The following IFTAP variants were observed in gnomAD, a reference collection of about 807,000 sequenced individuals.
IFTAP encodes the protein intraflagellar transport associated protein, also known as intraflagellar transport-associated protein.
Under a neutral mutation model 19.4 loss-of-function variants are expected in IFTAP, and 19 were observed. The ratio of observed to expected loss-of-function variants is 0.98; its 90% confidence interval spans 0.68 to 1.44. IFTAP has a LOEUF of 1.44. Among genes scored for constraint, IFTAP ranks in the 40% most tolerant of loss-of-function variants. The pLI is 0.00. For synonymous variants in IFTAP, 85 were observed against 83.5 expected, an observed-to-expected ratio of 1.02 and a Z score of -0.10; for missense variants, 240 against 253.6, an observed-to-expected ratio of 0.95 and a Z score of 0.36.
chr11:36,620,444 A>G (rs562032099), intron 2 of IFTAP, among the ~76,000 whole-genome samples: 3 of 152,038 alleles, frequency 2.0e-5, no homozygotes, highest in Non-Finnish European at 2.9e-5. Context: ...TTGACAAATT[A>G]TGAAACACAC....
At chr11:36,613,206 A>G (rs1386561521) in intron 2 of IFTAP, among the ~76,000 whole-genome samples, 2 of 152,018 alleles carry the variant, frequency 1.3e-5, no homozygotes, top group Non-Finnish European at 2.9e-5. Context: ...GACATTGTGG[A>G]CAAAGATAAG....
chr11:36,629,960 G>A (rs1419224392), intron 2 of IFTAP, among the ~76,000 whole-genome samples: 3 of 151,464 alleles, frequency 2.0e-5, no homozygotes, highest in East Asian at 3.9e-4. Flanking sequence ...ATTGCTGTTA[G>A]ATTTCTAAAC....
In IFTAP at chr11:36,610,086, G is replaced by C. The variant is rs753675107; in HGVS notation, c.-18G>C. On this transcript the variant is annotated 5_prime_UTR_variant, in exon 2 of 6. Coordinates refer to ENST00000334307, the MANE Select transcript of IFTAP (RefSeq NM_138787.4). The stretch of plus-strand genomic sequence containing the variant: ...GGTATTTTTCTGTCTTGCAGATACT[G>C]TGGCCTCATGAATAGGAATGTCTGC... 1.4e-5 allele frequency: 22 copies of C among 1,611,712 alleles called. No individual in the cohort carries two copies. The highest frequency in any genetic ancestry group is 1.0e-4 in the Admixed American group (6 of 59,876).
In IFTAP at chr11:36,638,584, G is replaced by A. The variant is rs116721306; in HGVS notation, c.358+2467G>A. Among the ~76,000 whole-genome samples, 1,420 of 152,322 alleles carry A rather than the reference G, an allele frequency of 9.3e-3. 23 individuals carry two copies. Among genetic ancestry groups the A allele is most frequent in the African/African-American group, 0.032 (1,332 of 41,568 alleles). On this transcript the variant is annotated intron_variant, in intron 4 of 5. Coordinates refer to ENST00000334307, the MANE Select transcript of IFTAP (RefSeq NM_138787.4). Reference sequence around the variant, plus strand: ...AAGAAATTAAATAGTTGGTGCCAAGGCGAATTTTAGTTTGGGCCTAATTTG... The same window carrying A: ...AAGAAATTAAATAGTTGGTGCCAAGACGAATTTTAGTTTGGGCCTAATTTG...
At chr11:36,641,759 G>C (rs1431225361) in intron 4 of IFTAP, among the ~76,000 whole-genome samples, 1 of 152,176 alleles carries the variant, frequency 6.6e-6, no homozygotes, top group Admixed American at 6.5e-5. Flanking sequence ...TGTTGATTTG[G>C]GGTGGAGAGT....
chr11:36,654,376 C>T (rs1853882444), intron 5 of IFTAP, among the ~76,000 whole-genome samples: 1 of 151,790 alleles, frequency 6.6e-6, no homozygotes, highest in African/African-American at 2.4e-5. Context: ...TTCTAGGGTA[C>T]ATGTGCACAA....
intron 5 of IFTAP, among the ~76,000 whole-genome samples, chr11:36,649,345 A>G (rs983635259): frequency 6.6e-6 from 1 of 152,158 alleles, no homozygotes; most frequent in African/African-American, 2.4e-5. Flanking sequence ...AGGGACAGCC[A>G]CTTTTCAATA....
intron 5 of IFTAP, among the ~76,000 whole-genome samples, chr11:36,653,230 T>C (rs150880575): frequency 0.017 from 2,624 of 152,224 alleles, 31 homozygotes; most frequent in Non-Finnish European, 0.026. Flanking sequence ...ATGAAAACAA[T>C]CTCTCCATCA....
chr11:36,633,455 A>G lies in IFTAP; in HGVS notation c.291+17A>G. On this transcript the variant is annotated intron_variant, in intron 3 of 5. Coordinates refer to ENST00000334307, the MANE Select transcript of IFTAP (RefSeq NM_138787.4). ...GAAGAACAGGTAATACCAACATAGT[A>G]CATGTATAGAAACAATCTCAGAAGA... 1.3e-6 allele frequency: 2 copies of G among 1,497,416 alleles called. No individual in the cohort carries two copies. Among genetic ancestry groups the G allele is most frequent in the Non-Finnish European group, 8.9e-7 (1 of 1,124,176 alleles). 92.8% of individuals were successfully genotyped at this position (1,497,416 alleles called of 1,614,324 possible). A position where few individuals can be genotyped will look rare whatever the true frequency, so the allele number is the denominator to read the frequency against.
chr11:36,633,576 G>A (rs757712205), intron 3 of IFTAP, 138 bp downstream of exon 3: 3 of 579,632 alleles, frequency 5.2e-6, no homozygotes, highest in African/African-American at 1.9e-5. Context: ...TGCCATTGGG[G>A]CACTTTATTG....
chr11:36,621,022 T>C (rs975256243), intron 2 of IFTAP, among the ~76,000 whole-genome samples: 1 of 152,066 alleles, frequency 6.6e-6, no homozygotes, highest in African/African-American at 2.4e-5. Flanking sequence ...AAATAAACTT[T>C]TAAGGTGGTC....
chr11:36,621,396 A>G (rs1161584708), intron 2 of IFTAP, among the ~76,000 whole-genome samples: 1 of 151,990 alleles, frequency 6.6e-6, no homozygotes, highest in Non-Finnish European at 1.5e-5. Flanking sequence ...TATGATTTTT[A>G]GTGTCTTTTT....
intron 2 of IFTAP, among the ~76,000 whole-genome samples, chr11:36,623,558 T>C (rs1420159468): frequency 6.6e-6 from 1 of 152,160 alleles, no homozygotes; most frequent in Non-Finnish European, 1.5e-5. Context: ...GGGTGGGCTT[T>C]AGTTTGGCAC....
At chr11:36,605,423 A>G (rs994200926) in intron 1 of IFTAP, among the ~76,000 whole-genome samples, 7 of 152,122 alleles carry the variant, frequency 4.6e-5, no homozygotes, top group African/African-American at 1.2e-4. Context: ...TTGTTTGAGT[A>G]AGTTCATTAA....
At chr11:36,633,562 G>T in intron 3 of IFTAP, 124 bp downstream of exon 3, 1 of 715,948 alleles carries the variant, frequency 1.4e-6, no homozygotes. Context: ...AATTCTAGAA[G>T]GAGTGCCATT....
chr11:36,654,571 C>T (rs1853894066), intron 5 of IFTAP, among the ~76,000 whole-genome samples: 1 of 152,036 alleles, frequency 6.6e-6, no homozygotes, highest in East Asian at 1.9e-4. Context: ...TGTGCTTAAC[C>T]TATAGTTCTT....
chr11:36,595,535 A>G lies in IFTAP; in HGVS notation c.-24+943A>G, dbSNP rs559845529. ...ATATGCTTCAAAAGCAGTATAAACA[A>G]TGGCTGAGTGTGGACTCTGAATGCT... On this transcript the variant is annotated intron_variant, in intron 1 of 5. Coordinates refer to ENST00000334307, the MANE Select transcript of IFTAP (RefSeq NM_138787.4). Among the ~76,000 whole-genome samples the G allele has an allele frequency of 6.6e-5, 10 of 152,352 alleles. No homozygotes were observed. In the East Asian group the frequency reaches 1.3e-3, roughly 21 times the overall value.
intron 5 of IFTAP, among the ~76,000 whole-genome samples, chr11:36,657,170 G>T (rs995082415): frequency 1.3e-5 from 2 of 152,186 alleles, no homozygotes; most frequent in Non-Finnish European, 2.9e-5. Flanking sequence ...GTTTTGCCAG[G>T]ATCAGCTAGA....
intron 2 of IFTAP, among the ~76,000 whole-genome samples, chr11:36,610,651 T>A (rs1851847288): frequency 6.6e-6 from 1 of 152,070 alleles, no homozygotes; most frequent in African/African-American, 2.4e-5. Flanking sequence ...TTACTGGCCA[T>A]GTGATCAGGG....
Sources: allele counts gnomAD v4.1 joint callset (sites outside exome capture counted in the v4.1 genomes callset), GRCh38; gene constraint gnomAD v4.1.1; transcripts MANE v1.5; gene names NCBI Gene and HGNC (gene_info 2026-07-23, HGNC 2026-07-21).